Variants in CPLANE1 observed in about 807,000 individuals in gnomAD.
CPLANE1 encodes the protein ciliogenesis and planar polarity effector 1.
Under a neutral mutation model 362.5 loss-of-function variants are expected in CPLANE1, and 263 were observed. The ratio of observed to expected loss-of-function variants is 0.73; its 90% CI spans 0.66 to 0.80. The LOEUF is 0.80. Among genes scored for constraint, CPLANE1 ranks in the 30% least tolerant of loss-of-function variants. The probability of loss-of-function intolerance (pLI) is 0.00; values close to 1 mark genes in which losing one functional copy is unlikely to be tolerated. For synonymous variants in CPLANE1, 1,212 were observed against 1,302.6 expected, an observed-to-expected ratio of 0.93 and a Z score of 1.50; for missense variants, 3,461 against 3,793.4, an observed-to-expected ratio of 0.91 and a Z score of 2.30.
chr5:37,122,638 A>G, intron 47 of CPLANE1, 150 bp from the exon 48 acceptor site: 1 of 640,942 alleles, frequency 1.6e-6, no homozygotes, highest in Non-Finnish European at 2.6e-6. Context: ...ATGTTAAATT[A>G]AAACATCATG....
chr5:37,111,780 T>C (rs975667541), intron 51 of CPLANE1, among the ~76,000 whole-genome samples: 2 of 152,146 alleles, frequency 1.3e-5, no homozygotes, highest in South Asian at 4.1e-4. Flanking sequence ...GAAAGTTCCA[T>C]GTTAAAATAA....
the CPLANE1 span, among the ~76,000 whole-genome samples, chr5:37,086,448 G>A: frequency 6.6e-6 from 1 of 152,206 alleles, no homozygotes; most frequent in Non-Finnish European, 1.5e-5. Context: ...TTCTTGGAAG[G>A]CCAAAAGGTT....
intron 6 of CPLANE1, among the ~76,000 whole-genome samples, chr5:37,240,727 A>G (rs1387668951): frequency 6.6e-6 from 1 of 152,184 alleles, no homozygotes; most frequent in Non-Finnish European, 1.5e-5. Context: ...CATCCAAACT[A>G]TATCAGAGAC....
chr5:37,079,518 T>G, the CPLANE1 span, among the ~76,000 whole-genome samples: 1 of 152,250 alleles, frequency 6.6e-6, no homozygotes, highest in Admixed American at 6.5e-5. Context: ...AACTCACTCC[T>G]ACCACAGAAG....
downstream of CPLANE1, among the ~76,000 whole-genome samples, chr5:37,102,507 T>C (rs939275538): frequency 6.6e-6 from 1 of 152,098 alleles, no homozygotes; most frequent in Admixed American, 6.6e-5. Context: ...GTTGTGATGT[T>C]AAGTTGTTGA....
At chr5:37,125,184 T>C in intron 47 of CPLANE1, 60 bp downstream of exon 47, 1 of 1,515,656 alleles carries the variant, frequency 6.6e-7, no homozygotes, top group East Asian at 2.3e-5. Context: ...CTTAAAATTT[T>C]GCCAGGAAAG....
chr5:37,180,141 G>T lies in CPLANE1; in HGVS notation c.5613C>A (p.Ile1871=). ...GAGTGATGGAAATAATATCATCATTGATTTCTTTTATATCAGGATTTTTTG... is the reference window on the plus strand; with the variant it reads ...GAGTGATGGAAATAATATCATCATTTATTTCTTTTATATCAGGATTTTTTG... ...TEAKNPDIKE[I]NDDIISITHN... The change falls in exon 28 of 53, where the codon ATC becomes ATA. Residue 1871 remains isoleucine, a synonymous_variant. Coordinates refer to ENST00000651892, the MANE Select transcript of CPLANE1 (RefSeq NM_001384732.1). The T allele has an allele frequency of 1.3e-6, 2 of 1,531,794 alleles. No individual in the cohort carries two copies. Among genetic ancestry groups the T allele is most frequent in the Middle Eastern group, 1.7e-4 (1 of 5,746 alleles). The allele number at this position is 1,531,794 out of a possible 1,614,324, so 94.9% of individuals were successfully genotyped here.
At chr5:37,126,901 A>AC (rs1344181879) in intron 46 of CPLANE1, among the ~76,000 whole-genome samples, 2 of 152,134 alleles carry the variant, frequency 1.3e-5, no homozygotes, top group African/African-American at 4.8e-5. Context: ...TGAAAAAGAC[A>AC]CCCTCCTAAA....
chr5:37,234,621 C>T (rs1055680344), intron 8 of CPLANE1, among the ~76,000 whole-genome samples: 1 of 151,800 alleles, frequency 6.6e-6, no homozygotes, highest in Non-Finnish European at 1.5e-5. Context: ...TGCCGAAAAC[C>T]TATTTAAAAG....
intron 14 of CPLANE1, among the ~76,000 whole-genome samples, chr5:37,222,610 A>C (rs1795595751): frequency 6.6e-6 from 1 of 152,228 alleles, no homozygotes; most frequent in Non-Finnish European, 1.5e-5. Flanking sequence ...TGTAAATGAA[A>C]TTAAACAAAA....
In CPLANE1 at chr5:37,201,645, G is replaced by A; in HGVS notation, c.3453C>T (p.Gly1151=). 1 of 1,614,182 alleles carries A rather than the reference G, an allele frequency of 6.2e-7. No homozygotes were observed. The highest frequency in any genetic ancestry group is 8.5e-7 in the Non-Finnish European group (1 of 1,179,998). ...SKRLWGLVPF[G]LYLPAPPLYC... Reference sequence around the variant, plus strand: ...ACAATGGAGGAGCTGGAAGATACAAGCCGAATGGCACTAAGCCCCACAGTC... The same window carrying A: ...ACAATGGAGGAGCTGGAAGATACAAACCGAATGGCACTAAGCCCCACAGTC... The change falls in exon 19 of 53, where the codon GGC becomes GGT. Residue 1151 remains glycine, a synonymous_variant. Coordinates refer to ENST00000651892, the MANE Select transcript of CPLANE1 (RefSeq NM_001384732.1).
intron 30 of CPLANE1, chr5:37,176,222 C>T (rs1254694101): frequency 2.8e-6 from 1 of 363,044 alleles, no homozygotes; most frequent in Non-Finnish European, 4.9e-6. Context: ...CGGCTGACTG[C>T]TCAGCAATGA....
intron 46 of CPLANE1, among the ~76,000 whole-genome samples, chr5:37,136,565 G>A (rs1415913981): frequency 6.6e-6 from 1 of 152,216 alleles, no homozygotes; most frequent in Non-Finnish European, 1.5e-5. Context: ...CAGTGCCCCA[G>A]AAGGGAATTT....
chr5:37,079,732 G>A, the CPLANE1 span, among the ~76,000 whole-genome samples: 1 of 152,326 alleles, frequency 6.6e-6, no homozygotes, highest in Non-Finnish European at 1.5e-5. Flanking sequence ...TGTGTGAACA[G>A]TGTCTGAATG....
At chr5:37,127,705 G>A (rs578081208) in intron 46 of CPLANE1, among the ~76,000 whole-genome samples, 11 of 151,588 alleles carry the variant, frequency 7.3e-5, no homozygotes, top group South Asian at 2.1e-4. Context: ...TAGTAGAAAC[G>A]GGGTTTCACC....
the CPLANE1 span, among the ~76,000 whole-genome samples, chr5:37,086,733 T>C: frequency 6.6e-6 from 1 of 152,134 alleles, no homozygotes; most frequent in Non-Finnish European, 1.5e-5. Flanking sequence ...GGCCAGCGAG[T>C]CAGGGCCGGG....
rs1795312431 is a variant in CPLANE1 at position 37,221,310 on chromosome 5, A to G, written c.2746+14T>C. 2.0e-6 allele frequency: 3 copies of G among 1,481,138 alleles called. No individual in the cohort carries two copies. Among genetic ancestry groups the G allele is most frequent in the Non-Finnish European group, 2.7e-6 (3 of 1,117,686 alleles). The allele number at this position is 1,481,138 out of a possible 1,614,324, so 91.7% of individuals were successfully genotyped here. A position where few individuals can be genotyped will look rare whatever the true frequency, so the allele number is the denominator to read the frequency against. On this transcript the variant is annotated intron_variant, in intron 15 of 52. Coordinates refer to ENST00000651892, the MANE Select transcript of CPLANE1 (RefSeq NM_001384732.1). ...TCTTTTTAAAAATACAAAGAAAGAA[A>G]AAAAAAAGCATACCTGAAAAATCTT...
chr5:37,209,334 G>A lies in CPLANE1; in HGVS notation c.2921-2909C>T. The A allele has an allele frequency of 1.1e-6, 1 of 884,542 alleles. No homozygotes were observed. Among genetic ancestry groups the A allele is most frequent in the Non-Finnish European group, 1.9e-6 (1 of 520,080 alleles). The allele number at this position is 884,542 out of a possible 1,614,324, so 54.8% of individuals were successfully genotyped here. On this transcript the variant is annotated intron_variant, in intron 16 of 52. Coordinates refer to ENST00000651892, the MANE Select transcript of CPLANE1 (RefSeq NM_001384732.1). The surrounding 1 kb of genome is among the most constrained non-coding windows in gnomAD (Gnocchi z 4.6). ...AAACTCGGGCCACGGCGGGGCGAGC[G>A]AGGCGGGCTCCGGAGGAAGCTGACG...
intron 48 of CPLANE1, among the ~76,000 whole-genome samples, chr5:37,122,149 G>A (rs2150094693): frequency 6.6e-6 from 1 of 152,238 alleles, no homozygotes; most frequent in East Asian, 1.9e-4. Context: ...TGTAGTTATG[G>A]TCTCTGGAGT....
Sources: gnomAD v4.1 joint callset for allele counts (sites outside exome capture counted in the v4.1 genomes callset) on GRCh38, gnomAD v4.1.1 for gene constraint, Gnocchi (gnomAD v3.1) non-coding constraint, MANE v1.5 for transcripts, NCBI Gene and HGNC (gene_info 2026-07-23, HGNC 2026-07-21) for gene names.